Variants in TRAF2 observed in about 807,000 individuals in gnomAD.
TRAF2 encodes the protein TNF receptor-associated factor 2.
TRAF2 carries 6 observed loss-of-function variants against 55.6 expected under a neutral mutation model. That is an observed-to-expected ratio of 0.11 (90% confidence interval 0.06 to 0.21). TRAF2 has a LOEUF of 0.21. Among genes scored for constraint, TRAF2 ranks in the 10% least tolerant of loss-of-function variants. The probability of loss-of-function intolerance (pLI) is 1.00; values close to 1 mark genes in which losing one functional copy is unlikely to be tolerated. For synonymous variants in TRAF2, 329 were observed against 276.3 expected, an observed-to-expected ratio of 1.19 and a Z score of -1.89; for missense variants, 561 against 684.5, an observed-to-expected ratio of 0.82 and a Z score of 2.01.
At chr9:136,903,127 T>C (rs553831071) in intron 4 of TRAF2, among the ~76,000 whole-genome samples, 1 of 152,176 alleles carries the variant, frequency 6.6e-6, no homozygotes, top group Admixed American at 6.6e-5. Context: ...TTTTTTATAT[T>C]TCTAGTAGAG....
At chr9:136,925,649 AC>A (rs1564424477) in intron 10 of TRAF2, 33 bp from the exon 11 acceptor site, 16 of 1,605,804 alleles carry the variant, frequency 1.0e-5, no homozygotes, top group Non-Finnish European at 1.4e-5. Flanking sequence ...CGGCCCACAG[AC>A]CTGTGTCCCC....
intron 4 of TRAF2, among the ~76,000 whole-genome samples, chr9:136,906,286 A>G (rs1157652654): frequency 6.6e-6 from 1 of 152,178 alleles, no homozygotes; most frequent in Non-Finnish European, 1.5e-5. Flanking sequence ...TCATACTACT[A>G]TAAAGAAATA....
At chr9:136,914,690 CAGT>C (rs1182089109) in intron 6 of TRAF2, among the ~76,000 whole-genome samples, 2 of 152,172 alleles carry the variant, frequency 1.3e-5, no homozygotes, top group Admixed American at 1.3e-4. Context: ...AGAACGGTGT[CAGT>C]AGCACTGAGT....
At chr9:136,923,483 C>A (rs916637286) in intron 9 of TRAF2, among the ~76,000 whole-genome samples, 2 of 151,860 alleles carry the variant, frequency 1.3e-5, no homozygotes, top group African/African-American at 4.8e-5. Context: ...TGGTGTCGAG[C>A]GTCTGTAATC....
intron 7 of TRAF2, among the ~76,000 whole-genome samples, chr9:136,917,446 G>T (rs1850269302): frequency 6.6e-6 from 1 of 152,206 alleles, no homozygotes; most frequent in South Asian, 2.1e-4. Context: ...TCTGTCGCCA[G>T]CACCTCGTGT....
Position 136,926,067 on chromosome 9 carries a change from G to T in TRAF2, c.*166G>T. The T allele has an allele frequency of 2.3e-6, 2 of 853,608 alleles. No homozygotes were observed. The highest frequency in any genetic ancestry group is 2.7e-5 in the South Asian group (2 of 73,986). 52.9% of individuals were successfully genotyped at this position (853,608 alleles called of 1,614,324 possible). A position where few individuals can be genotyped will look rare whatever the true frequency, so the allele number is the denominator to read the frequency against. ...CAAGTTCACTGTCACGGGGGAAGGA[G>T]CCACCAGCCAGTCCTCAGATTTCAG... On this transcript the variant is annotated 3_prime_UTR_variant, in exon 11 of 11. Coordinates refer to ENST00000247668, the MANE Select transcript of TRAF2 (RefSeq NM_021138.4).
chr9:136,894,078 G>A (rs1444177318), intron 1 of TRAF2, among the ~76,000 whole-genome samples: 54 of 95,278 alleles, frequency 5.7e-4, no homozygotes, highest in Non-Finnish European at 1.8e-4. Flanking sequence ...ATGGAGTCTT[G>A]CCTCATCGCC....
intron 7 of TRAF2, among the ~76,000 whole-genome samples, chr9:136,918,240 TATATATATATATATATATTTATTTAA>T (rs1222468931): frequency 2.2e-5 from 1 of 44,650 alleles, no homozygotes; most frequent in Non-Finnish European, 4.0e-5. Context: ...TATATATATA[TATATATATATATATATATTTATTTAA>T]TTAATTAATT....
chr9:136,925,858 A>G lies in TRAF2; in HGVS notation c.1463A>G (p.Asp488Gly), dbSNP rs1850518259. Residue 488 changes from aspartate to glycine, a missense_variant, in exon 11 of 11, where the codon GAT becomes GGT. By Grantham distance (94) the Asp-to-Gly change is moderately conservative. This residue lies in a region of TRAF2 where 135 missense variants were observed against 207.7 expected (regional missense o/e 0.65). Transcript: ENST00000247668. ...MEAKNSYVRD[D>G]AIFIKAIVDL... ...GCAAAGAATTCCTACGTGCGGGACG[A>G]TGCCATCTTCATCAAGGCCATTGTG... 2.5e-6 allele frequency: 4 copies of G among 1,614,096 alleles called. 1 individual carries two copies. In the South Asian group the frequency reaches 4.4e-5, roughly 18 times the overall value.
chr9:136,892,815 G>A (rs1188364565), intron 1 of TRAF2, among the ~76,000 whole-genome samples: 2 of 152,040 alleles, frequency 1.3e-5, no homozygotes, highest in African/African-American at 2.4e-5. Flanking sequence ...GGGAGGCGGA[G>A]GTTGCACCTT....
chr9:136,905,361 T>TA (rs1156622892), intron 4 of TRAF2, among the ~76,000 whole-genome samples: 6 of 152,144 alleles, frequency 3.9e-5, no homozygotes, highest in African/African-American at 4.8e-5. Flanking sequence ...CACAAGAAGA[T>TA]AAAGACTGCG....
At chr9:136,904,158 A>G (rs1329687447) in intron 4 of TRAF2, among the ~76,000 whole-genome samples, 1 of 152,196 alleles carries the variant, frequency 6.6e-6, no homozygotes, top group East Asian at 1.9e-4. Context: ...TTTCTGGCTT[A>G]TTTTAAAGCA....
At chr9:136,920,637 G>A (rs1850362392) in intron 8 of TRAF2, 122 bp downstream of exon 8, 10 of 1,301,010 alleles carry the variant, frequency 7.7e-6, no homozygotes, top group Non-Finnish European at 1.0e-5. Context: ...AACTCCATCT[G>A]CAAACCCCAG....
upstream of TRAF2, among the ~76,000 whole-genome samples, chr9:136,882,909 C>T (rs7026645): frequency 1.4e-3 from 214 of 152,358 alleles, 1 homozygote; most frequent in African/African-American, 4.8e-3. Flanking sequence ...CTTGCTCTGT[C>T]GTCCAGGATG....
chr9:136,925,325 C>T (rs913403901), intron 10 of TRAF2, among the ~76,000 whole-genome samples: 1 of 152,224 alleles, frequency 6.6e-6, no homozygotes, highest in African/African-American at 2.4e-5. Context: ...TTCATGATCT[C>T]TTTGGCAAGA....
intron 9 of TRAF2, among the ~76,000 whole-genome samples, chr9:136,923,257 C>T (rs945469898): frequency 7.2e-5 from 11 of 152,202 alleles, no homozygotes; most frequent in Admixed American, 1.3e-4. Context: ...TTTAGTGGAT[C>T]TCGCCATGTG....
chr9:136,920,790 T>G (rs550461388), intron 8 of TRAF2, among the ~76,000 whole-genome samples: 1 of 152,222 alleles, frequency 6.6e-6, no homozygotes, highest in Admixed American at 6.5e-5. Context: ...CAGCCATGGA[T>G]GGGGATGTGC....
Position 136,923,838 on chromosome 9 carries a change from T to G in TRAF2, c.1139-14T>G. On this transcript the variant is annotated splice_polypyrimidine_tract_variant and intron_variant, in intron 9 of 10. Coordinates refer to ENST00000247668, the MANE Select transcript of TRAF2 (RefSeq NM_021138.4). ...TGAGTGTCAGCTCACCAGGCACCCC[T>G]CCTGCCTCCCCAGCCTTCTACACCA... The G allele has an allele frequency of 1.9e-6, 3 of 1,612,294 alleles. No individual in the cohort carries two copies. The highest frequency in any genetic ancestry group is 1.7e-6 in the Non-Finnish European group (2 of 1,179,280).
At chr9:136,924,863 T>G (rs558915366) in intron 10 of TRAF2, among the ~76,000 whole-genome samples, 2 of 152,004 alleles carry the variant, frequency 1.3e-5, no homozygotes, top group Non-Finnish European at 2.9e-5. Flanking sequence ...CTCAGCCTCC[T>G]GAGTAGCTGG....
Sources: gnomAD v4.1 joint callset for allele counts (sites outside exome capture counted in the v4.1 genomes callset) on GRCh38, gnomAD v4.1.1 for gene constraint, gnomAD v4.1.1 regional missense constraint, MANE v1.5 for transcripts, NCBI Gene and HGNC (gene_info 2026-07-23, HGNC 2026-07-21) for gene names.